The following PPP4R2 variants were observed in gnomAD, a reference collection of about 807,000 sequenced individuals.
PPP4R2 encodes the protein protein phosphatase 4 regulatory subunit 2.
PPP4R2 carries 13 observed loss-of-function variants against 47.2 expected under a neutral mutation model. The observed-to-expected ratio is 0.28, with a 90% confidence interval of 0.18 to 0.44. PPP4R2 has a LOEUF of 0.44. PPP4R2 is among the 20% of genes least tolerant of loss of function. The probability of loss-of-function intolerance (pLI) is 1.00; values close to 1 mark genes in which losing one functional copy is unlikely to be tolerated. For synonymous variants in PPP4R2, 151 were observed against 163.3 expected (o/e 0.92, Z 0.57); for missense variants, 421 against 491.2 (o/e 0.86, Z 1.35).
intron 2 of PPP4R2, among the ~76,000 whole-genome samples, chr3:73,023,879 C>T (rs904033638): frequency 2.6e-5 from 4 of 151,996 alleles, no homozygotes; most frequent in African/African-American, 9.7e-5. Context: ...AAGAGAAATG[C>T]CAGAAGCCAC....
chr3:73,049,392 G>C (rs1005196067), intron 3 of PPP4R2, among the ~76,000 whole-genome samples: 1 of 152,036 alleles, frequency 6.6e-6, no homozygotes, highest in Admixed American at 6.6e-5. Flanking sequence ...CCAGCTACTC[G>C]GGAGACTGAG....
chr3:73,030,346 G>T (rs1338518314), intron 2 of PPP4R2, among the ~76,000 whole-genome samples: 1 of 152,174 alleles, frequency 6.6e-6, no homozygotes, highest in Non-Finnish European at 1.5e-5. Context: ...TAGGTAACTG[G>T]TGGGACCCTG....
At chr3:73,060,391 T>C (rs1002123984) in intron 4 of PPP4R2, among the ~76,000 whole-genome samples, 1 of 152,174 alleles carries the variant, frequency 6.6e-6, no homozygotes, top group African/African-American at 2.4e-5. Flanking sequence ...GCCCTGCCTT[T>C]AAATCAGGGT....
chr3:73,023,656 A>G (rs1191823097), intron 2 of PPP4R2, among the ~76,000 whole-genome samples: 2 of 152,230 alleles, frequency 1.3e-5, no homozygotes, highest in Non-Finnish European at 2.9e-5. Context: ...TCAAAGGAAG[A>G]CATGACAGTC....
chr3:73,051,082 T>A (rs1307873540), intron 3 of PPP4R2, among the ~76,000 whole-genome samples: 1 of 152,054 alleles, frequency 6.6e-6, no homozygotes, highest in Non-Finnish European at 1.5e-5. Context: ...ACCCGGCTAA[T>A]TTTTGTATTT....
At chr3:73,030,888 G>T (rs146440819) in intron 2 of PPP4R2, among the ~76,000 whole-genome samples, 74 of 152,026 alleles carry the variant, frequency 4.9e-4, no homozygotes, top group African/African-American at 1.6e-3. Flanking sequence ...TTTTAGTAGA[G>T]ACGGGGTTTC....
At chr3:73,064,628 A>G in intron 7 of PPP4R2, among the ~76,000 whole-genome samples, 1 of 152,180 alleles carries the variant, frequency 6.6e-6, no homozygotes, top group South Asian at 2.1e-4. Flanking sequence ...TTACTGGAGA[A>G]TTGCACAGAA....
At chr3:73,051,836 A>G (rs1702619605) in intron 3 of PPP4R2, among the ~76,000 whole-genome samples, 1 of 152,118 alleles carries the variant, frequency 6.6e-6, no homozygotes, top group Non-Finnish European at 1.5e-5. Flanking sequence ...CCTGTTAGCC[A>G]GGATGGTCTC....
intron 2 of PPP4R2, among the ~76,000 whole-genome samples, chr3:73,006,416 T>C (rs1279750156): frequency 6.6e-6 from 1 of 151,996 alleles, no homozygotes; most frequent in Non-Finnish European, 1.5e-5. Context: ...CCAGGCTGAC[T>C]CCTGACCTCG....
intron 5 of PPP4R2, chr3:73,061,935 A>G: frequency 1.6e-6 from 1 of 608,176 alleles, no homozygotes; most frequent in East Asian, 3.0e-5. Context: ...ATAATCCCAT[A>G]CTATATTTCT....
chr3:73,042,391 G>A lies in PPP4R2; in HGVS notation c.117-4795G>A, dbSNP rs574062445. ...TTTTTTTTTTTTTTTTTGAGATGGA[G>A]TCTCGCTGTGTCACCCAGGCTGGAG... On this transcript the variant is annotated intron_variant, in intron 2 of 8. Coordinates refer to ENST00000356692, the MANE Select transcript of PPP4R2 (RefSeq NM_174907.4). Among the ~76,000 whole-genome samples the A allele has an allele frequency of 2.5e-5, 3 of 120,696 alleles. No individual in the cohort carries two copies. In the South Asian group the frequency reaches 8.2e-4, roughly 33 times the overall value. 79.2% of individuals were successfully genotyped at this position (120,696 alleles called of 152,430 possible). A position where few individuals can be genotyped will look rare whatever the true frequency, so the allele number is the denominator to read the frequency against.
At chr3:73,054,034 A>C (rs1447884584) in intron 3 of PPP4R2, among the ~76,000 whole-genome samples, 2 of 152,038 alleles carry the variant, frequency 1.3e-5, no homozygotes, top group Admixed American at 1.3e-4. Flanking sequence ...CTCCTGCCTC[A>C]AGCACCTGAG....
chr3:73,061,143 G>T, intron 5 of PPP4R2, 83 bp downstream of exon 5: 1 of 604,640 alleles, frequency 1.7e-6, no homozygotes, highest in Non-Finnish European at 2.6e-6. Context: ...TCTTAAAATA[G>T]ACTGAATTTA....
chr3:73,016,498 A>C (rs907112891), intron 2 of PPP4R2, among the ~76,000 whole-genome samples: 1 of 152,182 alleles, frequency 6.6e-6, no homozygotes, highest in Non-Finnish European at 1.5e-5. Context: ...TTATAGGAGA[A>C]AGCATACCTG....
chr3:72,998,057 T>C lies in PPP4R2; in HGVS notation c.35-20T>C, dbSNP rs774198943. On this transcript the variant is annotated intron_variant, in intron 1 of 8. Transcript: ENST00000356692. ...GCTTTTGAGAAAACTGATAACGTTT[T>C]TTTTTCTTCCTTCATCTAGATTTTG... 2.4e-5 allele frequency: 38 copies of C among 1,574,990 alleles called. No homozygotes were observed. Among genetic ancestry groups the C allele is most frequent in the Non-Finnish European group, 3.2e-5 (37 of 1,149,846 alleles).
At chr3:73,064,285 T>C (rs748328761) in intron 7 of PPP4R2, 139 bp downstream of exon 7, 106 of 694,574 alleles carry the variant, frequency 1.5e-4, no homozygotes, top group Non-Finnish European at 2.2e-4. Flanking sequence ...CACTGGCTTC[T>C]CTTTGCAGCT....
chr3:73,067,767 C>G lies in PPP4R2; in HGVS notation c.*2045C>G, dbSNP rs1011043105. 2 of 152,082 alleles carry G rather than the reference C, an allele frequency of 1.3e-5. No homozygotes were observed. Among genetic ancestry groups the G allele is most frequent in the Non-Finnish European group, 2.9e-5 (2 of 68,002 alleles). 9.4% of individuals were successfully genotyped at this position (152,082 alleles called of 1,614,324 possible). On this transcript the variant is annotated 3_prime_UTR_variant, in exon 9 of 9. Transcript: ENST00000356692. The stretch of plus-strand genomic sequence containing the variant: ...GTAAGTTGAAGATTTAGCATTATGA[C>G]TTTGAGGTCTGTGGTTTTATTTGTA...
intron 1 of PPP4R2, 173 bp downstream of exon 1, chr3:72,997,244 C>T (rs569390199): frequency 1.4e-5 from 6 of 442,770 alleles, no homozygotes; most frequent in Non-Finnish European, 2.0e-5. Flanking sequence ...GGGCAGCTCT[C>T]TCCCGCCCCG....
chr3:73,055,574 C>G (rs1231989458), intron 3 of PPP4R2, among the ~76,000 whole-genome samples: 7 of 150,934 alleles, frequency 4.6e-5, no homozygotes, highest in African/African-American at 1.5e-4. Context: ...GCTAGCTAGT[C>G]ATGTCCTTTT....
Sources: allele counts gnomAD v4.1 joint callset (sites outside exome capture counted in the v4.1 genomes callset), GRCh38; gene constraint gnomAD v4.1.1; transcripts MANE v1.5; gene names NCBI Gene and HGNC (gene_info 2026-07-23, HGNC 2026-07-21).